Variants in TXNRD1 observed in about 807,000 individuals in gnomAD.
TXNRD1 encodes the protein thioredoxin reductase 1, cytoplasmic.
A neutral mutation model predicts 80.3 loss-of-function variants in TXNRD1; 57 were observed. That is an observed-to-expected ratio of 0.71 (90% CI 0.57 to 0.89). The LOEUF is 0.89. Among genes scored for constraint, TXNRD1 ranks in the 40% least tolerant of loss-of-function variants. TXNRD1 has a pLI of 0.00. For synonymous variants in TXNRD1, 291 were observed against 285.2 expected (o/e 1.02, Z -0.20); for missense variants, 730 against 803.0 (o/e 0.91, Z 1.10).
At chr12:104,324,479 G>A (rs2035684938) in intron 10 of TXNRD1, among the ~76,000 whole-genome samples, 1 of 151,332 alleles carries the variant, frequency 6.6e-6, no homozygotes. Context: ...AGCCTCCCAA[G>A]TAGCTGGGAC....
chr12:104,303,994 G>T, intron 4 of TXNRD1: 1 of 1,609,362 alleles, frequency 6.2e-7, no homozygotes, highest in South Asian at 1.1e-5. Context: ...GCTCTGGGGA[G>T]GCCGACGTAG....
At chr12:104,284,518 G>A (rs1428499082) in intron 3 of TXNRD1, 1 of 152,158 alleles carries the variant, frequency 6.6e-6, no homozygotes, top group South Asian at 2.1e-4. Context: ...TACAATAGGA[G>A]CCTTTATCAA....
rs1837020560 is a variant in TXNRD1 at position 104,274,097 on chromosome 12, A to G, written c.305-14834A>G. Among the ~76,000 whole-genome samples, 3 of 152,138 alleles carry G rather than the reference A, an allele frequency of 2.0e-5. No homozygotes were observed. In the South Asian group the frequency reaches 6.2e-4, roughly 32 times the overall value. On this transcript the variant is annotated intron_variant, in intron 3 of 16. Transcript: ENST00000525566. ...CAAACAAAAAACAAAAAATCTATAGATAAAGGAATTCAGATATATACTGGT... is the reference window on the plus strand; with the variant it reads ...CAAACAAAAAACAAAAAATCTATAGGTAAAGGAATTCAGATATATACTGGT...
chr12:104,254,644 A>AAAAAAAAAAATAT, intron 2 of TXNRD1, among the ~76,000 whole-genome samples: 37 of 93,600 alleles, frequency 4.0e-4, no homozygotes, highest in Non-Finnish European at 4.8e-4. Context: ...AAAAAAAAAA[A>AAAAAAAAAAATAT]ATATATATAT....
chr12:104,223,520 G>A (rs1416680934), intron 1 of TXNRD1, among the ~76,000 whole-genome samples: 1 of 152,188 alleles, frequency 6.6e-6, no homozygotes, highest in African/African-American at 2.4e-5. Flanking sequence ...AGTCAAGTTT[G>A]TTAGAAATGT....
chr12:104,263,392 T>A (rs933656896), intron 3 of TXNRD1, among the ~76,000 whole-genome samples: 1 of 152,164 alleles, frequency 6.6e-6, no homozygotes, highest in African/African-American at 2.4e-5. Flanking sequence ...TGTATAATGT[T>A]CATGGTGTCG....
chr12:104,249,402 A>T (rs527617822), intron 1 of TXNRD1, among the ~76,000 whole-genome samples: 1 of 152,182 alleles, frequency 6.6e-6, no homozygotes, highest in Non-Finnish European at 1.5e-5. Context: ...CATAGCGCTT[A>T]TATCTCAAAG....
At chr12:104,257,403 C>CT (rs57917719) in intron 2 of TXNRD1, among the ~76,000 whole-genome samples, 2,337 of 76,966 alleles carry the variant, frequency 0.03, 99 homozygotes, top group South Asian at 0.09. Flanking sequence ...TGTTCCAATG[C>CT]TTTTTTTTTT....
chr12:104,323,096 G>C (rs929454726), intron 10 of TXNRD1, among the ~76,000 whole-genome samples: 1 of 119,440 alleles, frequency 8.4e-6, no homozygotes, highest in Non-Finnish European at 1.7e-5. Flanking sequence ...CACAGCACAT[G>C]TTTCAGAGAG....
intron 1 of TXNRD1, among the ~76,000 whole-genome samples, chr12:104,229,685 C>T (rs112626181): frequency 4.6e-5 from 7 of 151,664 alleles, no homozygotes; most frequent in East Asian, 2.0e-4. Flanking sequence ...CTCTGCCTCC[C>T]GGGTTCAACC....
At chr12:104,230,693 T>C (rs1372197037) in intron 1 of TXNRD1, among the ~76,000 whole-genome samples, 3 of 152,148 alleles carry the variant, frequency 2.0e-5, no homozygotes, top group Non-Finnish European at 2.9e-5. Flanking sequence ...GAAAGTTTAA[T>C]AGGCAAGAAA....
At chr12:104,307,794 G>T (rs2034982388) in intron 4 of TXNRD1, among the ~76,000 whole-genome samples, 1 of 152,126 alleles carries the variant, frequency 6.6e-6, no homozygotes, top group Admixed American at 6.5e-5. Context: ...TACTAGGAGT[G>T]GGTCTGGGGA....
At chr12:104,223,267 A>T (rs1451471826) in intron 1 of TXNRD1, among the ~76,000 whole-genome samples, 1 of 152,212 alleles carries the variant, frequency 6.6e-6, no homozygotes, top group African/African-American at 2.4e-5. Context: ...GTTTAAAACA[A>T]CTGTGAGCAA....
At chr12:104,254,856 G>A (rs866536052) in intron 2 of TXNRD1, among the ~76,000 whole-genome samples, 13 of 151,374 alleles carry the variant, frequency 8.6e-5, no homozygotes, top group Non-Finnish European at 1.5e-4. Context: ...TGTAATCCCA[G>A]CACTTTGGGA....
chr12:104,224,215 C>T lies in TXNRD1; in HGVS notation c.91+8322C>T, dbSNP rs549964832. 3.9e-5 allele frequency among the ~76,000 whole-genome samples: 6 copies of T among 152,260 alleles called. No individual in the cohort carries two copies. In the East Asian group the frequency reaches 7.7e-4, roughly 20 times the overall value. On this transcript the variant is annotated intron_variant, in intron 1 of 16. Transcript: ENST00000525566. The stretch of plus-strand genomic sequence containing the variant: ...TCCTTCCTTCTCTTTGCTGGGCAAA[C>T]TCTCCTCACACATCAAGACCCAGTC...
At chr12:104,293,899 G>A (rs1255127088) in intron 4 of TXNRD1, among the ~76,000 whole-genome samples, 1 of 152,308 alleles carries the variant, frequency 6.6e-6, no homozygotes. Flanking sequence ...TGATAGGTAA[G>A]GTCACGTGGG....
chr12:104,256,607 C>T (rs533294343), intron 2 of TXNRD1, among the ~76,000 whole-genome samples: 4 of 151,896 alleles, frequency 2.6e-5, no homozygotes, highest in South Asian at 2.1e-4. Flanking sequence ...GGTGAAACCG[C>T]GTCTCTACTA....
intron 1 of TXNRD1, among the ~76,000 whole-genome samples, chr12:104,219,981 G>A (rs2032313249): frequency 6.6e-6 from 1 of 152,176 alleles, no homozygotes; most frequent in Non-Finnish European, 1.5e-5. Flanking sequence ...TACTAAATCA[G>A]CCTCAGAGTG....
At chr12:104,327,455 T>A in intron 12 of TXNRD1, 60 bp from the exon 13 acceptor site, 1 of 1,523,896 alleles carries the variant, frequency 6.6e-7, no homozygotes, top group Non-Finnish European at 8.9e-7. Flanking sequence ...AACGGAAGAT[T>A]TTGTTCTCCT....
Sources: allele counts gnomAD v4.1 joint callset (sites outside exome capture counted in the v4.1 genomes callset), GRCh38; gene constraint gnomAD v4.1.1; transcripts MANE v1.5; gene names NCBI Gene and HGNC (gene_info 2026-07-23, HGNC 2026-07-21).